CBLB: variants seen among roughly 807,000 people sequenced by gnomAD.
CBLB encodes E3 ubiquitin-protein ligase CBL-B.
Under a neutral mutation model 104.9 loss-of-function variants are expected in CBLB, and 31 were observed. The observed-to-expected ratio is 0.30, with a 90% confidence interval of 0.22 to 0.40. The LOEUF is 0.40. Ranked by LOEUF, CBLB falls within the 10% of genes least tolerant of loss-of-function variation. The probability of loss-of-function intolerance (pLI) is 1.00; values close to 1 mark genes in which losing one functional copy is unlikely to be tolerated. For missense variants in CBLB, 1,062 were observed against 1,214.6 expected (o/e 0.87, Z 1.87); for synonymous variants, 440 against 422.6 (o/e 1.04, Z -0.51).
chr3:105,663,419 G>A (rs2064028583), intron 18 of CBLB, among the ~76,000 whole-genome samples: 1 of 152,164 alleles, frequency 6.6e-6, no homozygotes, highest in South Asian at 2.1e-4. Flanking sequence ...CTGCTTGACT[G>A]ATCACAGGTT....
intron 6 of CBLB, among the ~76,000 whole-genome samples, chr3:105,742,896 T>G (rs980989312): frequency 2.0e-5 from 3 of 152,212 alleles, no homozygotes; most frequent in African/African-American, 7.2e-5. Flanking sequence ...TGTCCTTCTC[T>G]GTTGCTCTAA....
intron 3 of CBLB, among the ~76,000 whole-genome samples, chr3:105,819,020 T>C (rs1371839474): frequency 6.6e-6 from 1 of 152,268 alleles, no homozygotes; most frequent in Non-Finnish European, 1.5e-5. Context: ...CTTCTGCTTA[T>C]GTATAGTTAT....
intron 3 of CBLB, among the ~76,000 whole-genome samples, chr3:105,832,751 G>A (rs1325619134): frequency 2.0e-5 from 3 of 152,192 alleles, no homozygotes; most frequent in Non-Finnish European, 2.9e-5. Flanking sequence ...AGCTCAAGAT[G>A]AGTGCATTAT....
intron 3 of CBLB, among the ~76,000 whole-genome samples, chr3:105,845,662 A>G (rs1490372024): frequency 6.6e-6 from 1 of 152,048 alleles, no homozygotes; most frequent in Non-Finnish European, 1.5e-5. Flanking sequence ...AGGGCCATAA[A>G]GTCCTTAACA....
At chr3:105,676,170 G>C (rs1361626288) in intron 17 of CBLB, among the ~76,000 whole-genome samples, 1 of 151,872 alleles carries the variant, frequency 6.6e-6, no homozygotes, top group Non-Finnish European at 1.5e-5. Context: ...CTCCCTGGCA[G>C]CCAAGCAAAC....
At chr3:105,722,605 T>C (rs905233192) in intron 9 of CBLB, among the ~76,000 whole-genome samples, 2 of 151,970 alleles carry the variant, frequency 1.3e-5, no homozygotes, top group African/African-American at 4.8e-5. Flanking sequence ...ATCGAAATCA[T>C]GAAAGTTACA....
chr3:105,746,009 A>AT lies in CBLB; in HGVS notation c.752dup (p.Asn251LysfsTer17). The AT allele has an allele frequency of 6.2e-7, 1 of 1,610,172 alleles. No homozygotes were observed. Among genetic ancestry groups the AT allele is most frequent in the Non-Finnish European group, 8.5e-7 (1 of 1,176,458 alleles). The stretch of plus-strand genomic sequence containing the variant: ...AACCTGGATGTGTCACAGCTAAGAA[A>AT]TTCCAATTCCGCAAAATAGAGCCCC... On this transcript the variant is annotated frameshift_variant, in exon 6 of 19. Transcript: ENST00000394030. LOFTEE classifies it high-confidence loss of function.
At chr3:105,800,138 C>T (rs530229809) in intron 3 of CBLB, among the ~76,000 whole-genome samples, 11 of 152,214 alleles carry the variant, frequency 7.2e-5, no homozygotes, top group Non-Finnish European at 1.3e-4. Context: ...CCTCAAATTC[C>T]TCATCTGAAA....
intron 3 of CBLB, among the ~76,000 whole-genome samples, chr3:105,824,446 C>A (rs904980261): frequency 6.6e-6 from 1 of 152,016 alleles, no homozygotes; most frequent in South Asian, 2.1e-4. Flanking sequence ...CAAATATGCA[C>A]CTGGAACCTA....
Position 105,853,666 on chromosome 3 carries a change from TA to T in CBLB, c.169-3del. 6.3e-7 allele frequency: 1 copy of T among 1,584,858 alleles called. No individual in the cohort carries two copies. The highest frequency in any genetic ancestry group is 1.3e-5 in the African/African-American group (1 of 74,372). ...TTTGGGATTTTGGCACAGTCTTACC[TA>T]AAAACAAAGATAAAAATAAAATAAG... On this transcript the variant is annotated splice_region_variant and splice_polypyrimidine_tract_variant and intron_variant, in intron 2 of 18. Transcript: ENST00000394030.
Position 105,665,750 on chromosome 3 carries a change from G to A in CBLB, c.2689+4483C>T, listed in dbSNP as rs557600599. 6.2e-4 allele frequency among the ~76,000 whole-genome samples: 93 copies of A among 150,290 alleles called. No individual in the cohort carries two copies. The South Asian group carries it at 9.8e-3, about 16-fold the overall frequency. On this transcript the variant is annotated intron_variant, in intron 18 of 18. Coordinates refer to ENST00000394030, the MANE Select transcript of CBLB (RefSeq NM_170662.5). The stretch of plus-strand genomic sequence containing the variant: ...TATAAAATTTATATATCTGTATCTG[G>A]CTGGGCGTGGTGACTCATGCCTGTA...
At chr3:105,725,492 G>T (rs1576633828) in intron 9 of CBLB, among the ~76,000 whole-genome samples, 3 of 152,296 alleles carry the variant, frequency 2.0e-5, no homozygotes, top group Admixed American at 2.0e-4. Flanking sequence ...ATCTAATTTA[G>T]TCATTAGACT....
intron 4 of CBLB, among the ~76,000 whole-genome samples, chr3:105,760,404 A>T (rs1031571679): frequency 3.9e-5 from 6 of 152,202 alleles, no homozygotes; most frequent in Non-Finnish European, 8.8e-5. Flanking sequence ...TCTAAAGTAC[A>T]ACTGTTCTTC....
intron 3 of CBLB, among the ~76,000 whole-genome samples, chr3:105,822,440 A>G (rs2086005254): frequency 6.6e-6 from 1 of 152,078 alleles, no homozygotes; most frequent in Non-Finnish European, 1.5e-5. Context: ...GGTACTCTCT[A>G]TTTTGGGTAT....
Position 105,659,215 on chromosome 3 carries a change from G to A in CBLB, c.2704C>T (p.Pro902Ser). Residue 902 changes from proline to serine, a missense_variant, in exon 19 of 19, where the codon CCA (proline) becomes TCA (serine). By Grantham distance (74) the Pro-to-Ser change is moderately conservative. Coordinates refer to ENST00000394030, the MANE Select transcript of CBLB (RefSeq NM_170662.5). Reference protein sequence around the residue: ...LPSCSDGSQAPARPPKPRPRR... With the variant: ...LPSCSDGSQASARPPKPRPRR... ...GGTCGTGGTTTAGGGGGTCTGGCTG[G>A]TGCCTGTGAACCATCTGTGTAGATT... The A allele has an allele frequency of 1.2e-6, 2 of 1,613,902 alleles. No individual in the cohort carries two copies. The highest frequency in any genetic ancestry group is 1.7e-6 in the Non-Finnish European group (2 of 1,179,884).
chr3:105,820,737 C>G (rs1266408409), intron 3 of CBLB, among the ~76,000 whole-genome samples: 3 of 151,794 alleles, frequency 2.0e-5, no homozygotes, highest in Admixed American at 1.3e-4. Context: ...TAATTTTATA[C>G]CCTAAAATCA....
At chr3:105,816,198 A>G (rs2085030399) in intron 3 of CBLB, among the ~76,000 whole-genome samples, 1 of 151,986 alleles carries the variant, frequency 6.6e-6, no homozygotes, top group South Asian at 2.1e-4. Context: ...AACTTAGTAT[A>G]TTTTTTAAAA....
chr3:105,812,319 C>CTAGGGCA (rs1214270553), intron 3 of CBLB, among the ~76,000 whole-genome samples: 5 of 152,098 alleles, frequency 3.3e-5, no homozygotes, highest in Non-Finnish European at 7.4e-5. Flanking sequence ...TATTAGTCAC[C>CTAGGGCA]TAGGGCACAA....
intron 3 of CBLB, among the ~76,000 whole-genome samples, chr3:105,781,666 T>C (rs1028185366): frequency 6.6e-6 from 1 of 152,198 alleles, no homozygotes; most frequent in African/African-American, 2.4e-5. Flanking sequence ...CTTGAGTTTT[T>C]TCTATTCAAG....
Sources: allele counts gnomAD v4.1 joint callset (sites outside exome capture counted in the v4.1 genomes callset), GRCh38; gene constraint gnomAD v4.1.1; transcripts MANE v1.5; gene names NCBI Gene and HGNC (gene_info 2026-07-23, HGNC 2026-07-21).